Variants in SYNE2 observed in about 807,000 individuals in gnomAD.
SYNE2 encodes spectrin repeat containing nuclear envelope protein 2.
A neutral mutation model predicts 856.3 loss-of-function variants in SYNE2; 431 were observed. The observed-to-expected ratio is 0.50, with a 90% CI of 0.47 to 0.55. The LOEUF (loss-of-function observed/expected upper bound fraction) is 0.55, where lower values mean the gene tolerates loss of function less well. Ranked by LOEUF, SYNE2 falls within the 20% of genes least tolerant of loss-of-function variation. The probability of loss-of-function intolerance (pLI) is 0.00; values close to 1 mark genes in which losing one functional copy is unlikely to be tolerated. For missense variants in SYNE2, 8,129 were observed against 8,023.2 expected (o/e 1.01, Z -0.50); for synonymous variants, 2,923 against 2,872.3 (o/e 1.02, Z -0.56).
chr14:63,917,859 T>G (rs898242912), intron 2 of SYNE2, among the ~76,000 whole-genome samples: 1 of 123,886 alleles, frequency 8.1e-6, no homozygotes, highest in Non-Finnish European at 1.6e-5. Flanking sequence ...GTTTTTCAAA[T>G]TTTTTTTTTT....
chr14:64,209,892 C>T (rs201575181), intron 102 of SYNE2, 50 bp from the exon 103 acceptor site: 1,368 of 1,611,270 alleles, frequency 8.5e-4, no homozygotes, highest in Non-Finnish European at 1.1e-3. Context: ...GGAAGGAGGG[C>T]GTCCTGGCAC....
chr14:64,031,435 A>G, intron 45 of SYNE2, 78 bp downstream of exon 45: 5 of 1,246,496 alleles, frequency 4.0e-6, no homozygotes, highest in Non-Finnish European at 5.8e-6. Context: ...GAGGGTCGTG[A>G]ATCAAGCATT....
chr14:63,786,305 G>A (rs1169920389), intron 1 of SYNE2, among the ~76,000 whole-genome samples: 1 of 151,946 alleles, frequency 6.6e-6, no homozygotes, highest in Admixed American at 6.6e-5. Context: ...CTACTCAGGA[G>A]GCTGAGGCAA....
intron 2 of SYNE2, among the ~76,000 whole-genome samples, chr14:63,931,812 A>C (rs1832232677): frequency 6.6e-6 from 1 of 152,188 alleles, no homozygotes; most frequent in Non-Finnish European, 1.5e-5. Flanking sequence ...CCTATAACTT[A>C]TGTACCAGAA....
intron 31 of SYNE2, among the ~76,000 whole-genome samples, chr14:64,008,214 G>C (rs1318788350): frequency 1.3e-5 from 2 of 152,156 alleles, no homozygotes; most frequent in Admixed American, 6.5e-5. Flanking sequence ...CCTCTCAAGA[G>C]GACCCTTATG....
intron 64 of SYNE2, among the ~76,000 whole-genome samples, chr14:64,102,433 A>G (rs1432921918): frequency 1.3e-5 from 2 of 152,070 alleles, no homozygotes; most frequent in Admixed American, 1.3e-4. Context: ...AGACAGGAAT[A>G]AAAATAAGGA....
chr14:63,815,043 CAT>C (rs1174676727), intron 1 of SYNE2, among the ~76,000 whole-genome samples: 17 of 62,688 alleles, frequency 2.7e-4, no homozygotes, highest in African/African-American at 8.9e-4. Flanking sequence ...TATACATCCA[CAT>C]ATATATATCC....
intron 96 of SYNE2, among the ~76,000 whole-genome samples, chr14:64,183,512 G>C (rs974028681): frequency 6.6e-6 from 1 of 152,128 alleles, no homozygotes; most frequent in Non-Finnish European, 1.5e-5. Flanking sequence ...CCCAGACAGG[G>C]TGGCGGCCGG....
chr14:64,124,457 T>A (rs1022907791), intron 70 of SYNE2, among the ~76,000 whole-genome samples: 2 of 150,432 alleles, frequency 1.3e-5, no homozygotes, highest in Non-Finnish European at 3.0e-5. Context: ...ACTCCTGGCC[T>A]CTAGGAATCC....
At position 64,162,190 on chromosome 14, in the gene SYNE2, G is replaced by C. The variant is rs750282286; in HGVS notation, c.16213G>C (p.Glu5405Gln). ...GEAAARLKQQEAKFQQLANIS... is the reference protein window; with the variant it reads ...GEAAARLKQQQAKFQQLANIS... ...AGCTGCCGCAAGGCTGAAGCAGCAG[G>C]AAGCAAAGTTTCAACAGCTCGCAAA... is the stretch of plus-strand genomic sequence containing the variant. The change falls in exon 88 of 116, where the codon GAA becomes CAA. Residue 5405 changes from glutamate to glutamine, a missense_variant. This residue lies in a region of SYNE2 where 5,410 missense variants were observed against 5,284.8 expected (regional missense o/e 1.02). Coordinates refer to ENST00000555002, the MANE Select transcript of SYNE2 (RefSeq NM_182914.3). 6.2e-7 allele frequency: 1 copy of C among 1,614,122 alleles called. No individual in the cohort carries two copies. Among genetic ancestry groups the C allele is most frequent in the Non-Finnish European group, 8.5e-7 (1 of 1,180,054 alleles).
Position 63,954,925 on chromosome 14 carries a change from C to T in SYNE2, c.787+10C>T, listed in dbSNP as rs1655925311. The T allele has an allele frequency of 6.2e-7, 1 of 1,606,614 alleles. No homozygotes were observed. The highest frequency in any genetic ancestry group is 1.3e-5 in the African/African-American group (1 of 74,830). On this transcript the variant is annotated intron_variant, in intron 8 of 115. Transcript: ENST00000555002. The stretch of plus-strand genomic sequence containing the variant: ...TTGCTGGAACCAGAAGGTAAAGAAG[C>T]TTCTTTGTTTTTAAAACAATCTTTA...
intron 29 of SYNE2, 68 bp from the exon 30 acceptor site, chr14:64,002,652 C>A: frequency 6.4e-7 from 1 of 1,551,890 alleles, no homozygotes. Context: ...CAGTTTGGGG[C>A]TAGTTTCTCA....
In SYNE2 at chr14:64,212,850, G is replaced by T. The variant is rs2140219035; in HGVS notation, c.18901G>T (p.Asp6301Tyr). 3 of 1,614,202 alleles carry T rather than the reference G, an allele frequency of 1.9e-6. No homozygotes were observed. Among genetic ancestry groups the T allele is most frequent in the East Asian group, 4.5e-5 (2 of 44,882 alleles). The change falls in exon 105 of 116, where the codon GAT (aspartate) becomes TAT (tyrosine). Residue 6301 changes from aspartate (D) to tyrosine (Y), a missense_variant. This residue lies in a region of SYNE2 where 5,410 missense variants were observed against 5,284.8 expected (regional missense o/e 1.02). Transcript: ENST00000555002. ...QEITLNTNKI[D>Y]QLIVFGEQLI... is the part of the protein sequence containing the mutation. ...AATTACATTAAATACCAACAAGATT[G>T]ATCAGCTCATTGTGTTTGGGGAGCA... is the stretch of plus-strand genomic sequence containing the variant.
At chr14:63,920,491 G>A (rs2095586706) in intron 2 of SYNE2, among the ~76,000 whole-genome samples, 1 of 151,132 alleles carries the variant, frequency 6.6e-6, no homozygotes, top group South Asian at 2.1e-4. Flanking sequence ...AGAATGTGAA[G>A]AGATGAGGGG....
At chr14:63,893,612 T>C (rs1052228381) in intron 1 of SYNE2, among the ~76,000 whole-genome samples, 1 of 152,194 alleles carries the variant, frequency 6.6e-6, no homozygotes, top group East Asian at 1.9e-4. Context: ...TATTAATTTA[T>C]TCTTTTTAAA....
intron 99 of SYNE2, among the ~76,000 whole-genome samples, chr14:64,199,451 A>G (rs1032296044): frequency 8.5e-5 from 13 of 152,282 alleles, no homozygotes; most frequent in African/African-American, 3.1e-4. Context: ...TGAAGAGGAA[A>G]TGATGCCTGT....
Position 64,052,208 on chromosome 14 carries a change from C to G in SYNE2, c.8295C>G (p.Ile2765Met). 1 of 1,614,148 alleles carries G rather than the reference C, an allele frequency of 6.2e-7. No individual in the cohort carries two copies. Among genetic ancestry groups the G allele is most frequent in the Non-Finnish European group, 8.5e-7 (1 of 1,180,032 alleles). The stretch of plus-strand genomic sequence containing the variant: ...TCCCAGATGACATTCTTTCACAGAT[C>G]AGAAAGTGCAAAGTGACACATGATG... ...PLLPDDILSQ[I>M]RKCKVTHDGI... The change falls in exon 48 of 116, where the codon ATC (isoleucine) becomes ATG (methionine). Residue 2765 changes from isoleucine (I) to methionine (M), a missense_variant. This residue lies in a region of SYNE2 where 5,410 missense variants were observed against 5,284.8 expected (regional missense o/e 1.02). Transcript: ENST00000555002.
At chr14:63,901,483 T>C (rs1208254227) in intron 1 of SYNE2, among the ~76,000 whole-genome samples, 3 of 152,222 alleles carry the variant, frequency 2.0e-5, no homozygotes, top group African/African-American at 7.2e-5. Context: ...CCCTTTCATT[T>C]CGGATACTCT....
chr14:64,128,710 C>A (rs2097976354), intron 74 of SYNE2, among the ~76,000 whole-genome samples, 157 bp downstream of exon 74: 1 of 152,184 alleles, frequency 6.6e-6, no homozygotes, highest in Non-Finnish European at 1.5e-5. Context: ...TTAAAAACAT[C>A]TCCTAATTTT....
Sources: allele counts gnomAD v4.1 joint callset (sites outside exome capture counted in the v4.1 genomes callset), GRCh38; gene constraint gnomAD v4.1.1; regional missense constraint gnomAD v4.1.1; transcripts MANE v1.5; gene names NCBI Gene and HGNC (gene_info 2026-07-23, HGNC 2026-07-21).